The following CACNA1C variants were observed in gnomAD, a reference collection of about 807,000 sequenced individuals.
CACNA1C encodes the protein calcium voltage-gated channel subunit alpha1 C.
A neutral mutation model predicts 229.0 loss-of-function variants in CACNA1C; 30 were observed. The ratio of observed to expected loss-of-function variants is 0.13; its 90% CI spans 0.10 to 0.18. The LOEUF is 0.18. CACNA1C is among the 10% of genes least tolerant of loss of function. The probability of loss-of-function intolerance (pLI) is 1.00; values close to 1 mark genes in which losing one functional copy is unlikely to be tolerated. For missense variants in CACNA1C, 1,658 were observed against 2,845.0 expected (o/e 0.58, Z 9.49); for synonymous variants, 1,114 against 1,132.5 (o/e 0.98, Z 0.33).
chr12:2,229,755 C>T (rs2064177381), intron 3 of CACNA1C, among the ~76,000 whole-genome samples: 1 of 152,156 alleles, frequency 6.6e-6, no homozygotes, highest in Admixed American at 6.5e-5. Context: ...CACTGACAGA[C>T]GAACGGCCTG....
rs529004968 is a variant in CACNA1C at position 2,002,471 on chromosome 12, C to T, written c.139+31270C>T. On this transcript the variant is annotated intron_variant, in intron 1 of 46. Coordinates refer to the CACNA1C transcript ENST00000682462. ...GTCTGAAGGCAACATATCCAGCAAG[C>T]AGGAAAACATAACTCCTGTAATTAA... 4.6e-5 allele frequency among the ~76,000 whole-genome samples: 7 copies of T among 152,334 alleles called. No individual in the cohort carries two copies. In the East Asian group the frequency reaches 1.3e-3, roughly 29 times the overall value.
chr12:2,248,376 G>T (rs1047149379), intron 3 of CACNA1C, among the ~76,000 whole-genome samples: 1 of 152,146 alleles, frequency 6.6e-6, no homozygotes, highest in Non-Finnish European at 1.5e-5. Context: ...CTCTGCACCG[G>T]GCCAAGGACC....
chr12:2,168,294 T>C (rs1029028569), intron 3 of CACNA1C, among the ~76,000 whole-genome samples: 9 of 151,998 alleles, frequency 5.9e-5, no homozygotes, highest in African/African-American at 2.2e-4. Context: ...TCAAAAGAGG[T>C]AGAAAGATAG....
intron 29 of CACNA1C, among the ~76,000 whole-genome samples, chr12:2,620,282 G>A (rs2082603755): frequency 6.6e-6 from 1 of 152,094 alleles, no homozygotes; most frequent in South Asian, 2.1e-4. Flanking sequence ...CACCTTAATA[G>A]GAATGCATTT....
intron 3 of CACNA1C, among the ~76,000 whole-genome samples, chr12:2,434,248 C>T (rs952470875): frequency 1.5e-4 from 23 of 152,146 alleles, no homozygotes; most frequent in Non-Finnish European, 2.9e-4. Context: ...TACATCTCCA[C>T]GGGGAGGCCA....
At chr12:2,277,358 G>GACACAC (rs2088999806) in intron 3 of CACNA1C, among the ~76,000 whole-genome samples, 3 of 83,060 alleles carry the variant, frequency 3.6e-5, no homozygotes, top group African/African-American at 1.0e-4. Context: ...CAGACAGACA[G>GACACAC]ACAGACACAC....
intron 1 of CACNA1C, among the ~76,000 whole-genome samples, chr12:1,977,549 C>T (rs962742408): frequency 2.6e-5 from 4 of 152,184 alleles, no homozygotes; most frequent in African/African-American, 9.7e-5. Context: ...GTACACTGTA[C>T]ATGTCTATTT....
rs115760348 is a variant in CACNA1C, at chr12:2,485,914, G to T, written c.758-190G>T. Reference sequence around the variant, plus strand: ...TGGATGAGTCTCCAAGACAGATTTGGAGTGAGGCCAACCTGGATTTAGACC... The same window carrying T: ...TGGATGAGTCTCCAAGACAGATTTGTAGTGAGGCCAACCTGGATTTAGACC... On this transcript the variant is annotated intron_variant, in intron 5 of 46. Transcript: ENST00000399655. Among the ~76,000 whole-genome samples the T allele has an allele frequency of 0.02, 3,022 of 152,318 alleles. 99 individuals are homozygous for T. Among genetic ancestry groups the T allele is most frequent in the African/African-American group, 0.069 (2,870 of 41,560 alleles).
Position 2,318,042 on chromosome 12 carries a change from G to T in CACNA1C, c.478-130934G>T, listed in dbSNP as rs572079316. Among the ~76,000 whole-genome samples the T allele has an allele frequency of 4.6e-5, 7 of 152,328 alleles. No individual in the cohort carries two copies. The East Asian group carries it at 1.4e-3, about 29-fold the overall frequency. On this transcript the variant is annotated intron_variant, in intron 3 of 46. Coordinates refer to ENST00000399655, the MANE Select transcript of CACNA1C (RefSeq NM_000719.7). ...AGACGGGGAGAGCAGGGGGCGAGCC[G>T]AGGGTCCAGGACATTTGAAGGGTGG... is the stretch of plus-strand genomic sequence containing the variant.
intron 1 of CACNA1C, among the ~76,000 whole-genome samples, chr12:1,998,552 A>T (rs1370404588): frequency 2.0e-5 from 3 of 152,210 alleles, no homozygotes; most frequent in Non-Finnish European, 4.4e-5. Flanking sequence ...TCAAGGTCTG[A>T]CCCGAGATCA....
At chr12:2,417,608 G>A (rs1009136385) in intron 3 of CACNA1C, among the ~76,000 whole-genome samples, 1 of 152,152 alleles carries the variant, frequency 6.6e-6, no homozygotes, top group Non-Finnish European at 1.5e-5. Context: ...GGTGGTCCAG[G>A]CGGATGACAA....
chr12:2,435,121 G>A (rs1309261197), intron 3 of CACNA1C, among the ~76,000 whole-genome samples: 1 of 152,080 alleles, frequency 6.6e-6, no homozygotes, highest in African/African-American at 2.4e-5. Context: ...CAGCAAACAG[G>A]GGCTGCTGCT....
At chr12:2,205,457 C>T (rs1484969353) in intron 3 of CACNA1C, among the ~76,000 whole-genome samples, 21 of 152,216 alleles carry the variant, frequency 1.4e-4, no homozygotes, top group Admixed American at 1.4e-3. Flanking sequence ...TATTCTAAAT[C>T]ACCTTAACCT....
At chr12:2,120,580 C>T (rs1182328900) in intron 3 of CACNA1C, 150 bp downstream of exon 3, 1 of 669,236 alleles carries the variant, frequency 1.5e-6, no homozygotes, top group Non-Finnish European at 2.7e-6. Context: ...TGCTGTTTTA[C>T]TCTTTATTCA....
At chr12:2,204,405 C>A (rs376390665) in intron 3 of CACNA1C, among the ~76,000 whole-genome samples, 307 of 152,016 alleles carry the variant, frequency 2.0e-3, no homozygotes, top group African/African-American at 6.8e-3. Context: ...GGGATCTAGA[C>A]CTAGAAATAC....
At chr12:2,451,527 G>A (rs1596638056) in intron 4 of CACNA1C, among the ~76,000 whole-genome samples, 1 of 152,320 alleles carries the variant, frequency 6.6e-6, no homozygotes, top group Non-Finnish European at 1.5e-5. Flanking sequence ...GAAATCATGA[G>A]TCGGGGGAGC....
chr12:2,598,534 C>T (rs1345833416), intron 21 of CACNA1C, among the ~76,000 whole-genome samples: 2 of 152,198 alleles, frequency 1.3e-5, no homozygotes, highest in Non-Finnish European at 2.9e-5. Flanking sequence ...GGCTCTGAAG[C>T]CCATGCTTCA....
chr12:2,115,189 T>A, intron 1 of CACNA1C, 35 bp from the exon 2 acceptor site: 1 of 1,447,844 alleles, frequency 6.9e-7, no homozygotes, highest in Non-Finnish European at 9.3e-7. Context: ...GTTTTCTATC[T>A]AGTAACTGTT....
At chr12:2,003,531 C>T (rs879754328) in intron 1 of CACNA1C, among the ~76,000 whole-genome samples, 3 of 152,190 alleles carry the variant, frequency 2.0e-5, no homozygotes, top group Non-Finnish European at 4.4e-5. Flanking sequence ...ATCCCTGCAA[C>T]AGGATTCCAG....
Sources: allele counts gnomAD v4.1 joint callset (sites outside exome capture counted in the v4.1 genomes callset), GRCh38; gene constraint gnomAD v4.1.1; transcripts MANE v1.5; gene names NCBI Gene and HGNC (gene_info 2026-07-23, HGNC 2026-07-21).